APOL4: variants seen among roughly 807,000 people sequenced by gnomAD.
The protein encoded by APOL4 is apolipoprotein L, 4.
Under a neutral mutation model 12.1 loss-of-function variants are expected in APOL4, and 14 were observed. That is an observed-to-expected ratio of 1.16 (90% confidence interval 0.76 to 1.81). The LOEUF (loss-of-function observed/expected upper bound fraction) is 1.81, where lower values mean the gene tolerates loss of function less well. APOL4 is among the 40% of genes most tolerant of loss of function. The pLI, the probability that APOL4 is intolerant of heterozygous loss-of-function variation, is 0.00. For synonymous variants in APOL4, 171 were observed against 160.6 expected (o/e 1.06, Z -0.49); for missense variants, 432 against 423.1 (o/e 1.02, Z -0.18).
At chr22:36,200,858 ATATCTTGT>A (rs2014550726) in intron 1 of APOL4, among the ~76,000 whole-genome samples, 1 of 152,226 alleles carries the variant, frequency 6.6e-6, no homozygotes, top group African/African-American at 2.4e-5. Flanking sequence ...TGAGAACTAA[ATATCTTGT>A]TATCAATACC....
At chr22:36,196,407 G>T (rs1430471651) in intron 2 of APOL4, among the ~76,000 whole-genome samples, 1 of 152,212 alleles carries the variant, frequency 6.6e-6, no homozygotes, top group Non-Finnish European at 1.5e-5. Flanking sequence ...GACAGAGGGT[G>T]CATATGGTTT....
intron 2 of APOL4, among the ~76,000 whole-genome samples, chr22:36,195,743 A>ATCTC (rs143180155): frequency 5.4e-4 from 50 of 93,444 alleles, no homozygotes; most frequent in South Asian, 1.7e-3. Context: ...GAGACAGATG[A>ATCTC]TCTCTCTCTC....
At chr22:36,197,444 TG>T in intron 2 of APOL4, 1 of 690,504 alleles carries the variant, frequency 1.4e-6, no homozygotes, top group Non-Finnish European at 2.1e-6. Context: ...CAGGGTTGGA[TG>T]GAGGGAACCT....
chr22:36,202,456 G>T (rs576998564), upstream of APOL4, among the ~76,000 whole-genome samples: 4 of 152,298 alleles, frequency 2.6e-5, no homozygotes, highest in African/African-American at 4.8e-5. Context: ...GGCCGGGAGC[G>T]GTGGCTCACG....
At chr22:36,195,475 T>G (rs2014378195) in intron 2 of APOL4, 38 bp from the exon 3 acceptor site, 2 of 1,604,378 alleles carry the variant, frequency 1.2e-6, no homozygotes, top group Admixed American at 1.7e-5. Context: ...GGAAGAAAGT[T>G]TGCTACCACA....
chr22:36,193,043 C>T (rs1021398982), intron 3 of APOL4, among the ~76,000 whole-genome samples: 1 of 152,212 alleles, frequency 6.6e-6, no homozygotes, highest in African/African-American at 2.4e-5. Flanking sequence ...CAGCAAGAAT[C>T]CCCCAAAGTC....
At chr22:36,196,170 T>C (rs2014408807) in intron 2 of APOL4, among the ~76,000 whole-genome samples, 1 of 152,240 alleles carries the variant, frequency 6.6e-6, no homozygotes, top group Non-Finnish European at 1.5e-5. Context: ...TTTACACCAG[T>C]GTCTTCAAAA....
rs749087323 is a variant in APOL4, at chr22:36,191,093, C to G, written c.1029G>C (p.Gln343His). Residue 343 changes from glutamine (Q) to histidine (H), a missense_variant, in exon 4 of 4, where the codon CAG (glutamine) becomes CAC (histidine). Transcript: ENST00000683024. ...ATTGGGCCTAGCCTGCTTTTAGACT[C>G]TGATGGATATGGGTGAGCTCATTGA... ...ENLNELTHIH[Q>H]SLKAG 6 of 1,604,130 alleles carry G rather than the reference C, an allele frequency of 3.7e-6. No individual in the cohort carries two copies. The highest frequency in any genetic ancestry group is 1.1e-5 in the South Asian group (1 of 89,490).
Position 36,189,356 on chromosome 22 carries a change from A to G in APOL4, c.*1719T>C, listed in dbSNP as rs1167062922. ...CAGCTGGGCACCATGGAAATGGCTC[A>G]TTACCCGGCCTTCAGGGTTCAAGCA... On this transcript the variant is annotated 3_prime_UTR_variant, in exon 4 of 4. Coordinates refer to ENST00000683024, the MANE Select transcript of APOL4 (RefSeq NM_001386885.1). 6.6e-6 allele frequency: 1 copy of G among 152,202 alleles called. No homozygotes were observed. The highest frequency in any genetic ancestry group is 2.4e-5 in the African/African-American group (1 of 41,418). 9.4% of individuals were successfully genotyped at this position (152,202 alleles called of 1,614,324 possible). A position where few individuals can be genotyped will look rare whatever the true frequency, so the allele number is the denominator to read the frequency against.
At position 36,197,820 on chromosome 22, in the gene APOL4, G is replaced by A. The variant is rs1045702251; in HGVS notation, c.82+1510C>T. ...CTGTAGGGACAGGGGGAGGGGATGG[G>A]CCCAGAGGACCCTGACAAACAGGAA... On this transcript the variant is annotated intron_variant, in intron 2 of 3. Transcript: ENST00000683024. 8 of 1,548,358 alleles carry A rather than the reference G, an allele frequency of 5.2e-6. No homozygotes were observed. The East Asian group carries it at 1.7e-4, about 33-fold the overall frequency.
At chr22:36,203,857 G>A (rs887612866), upstream of APOL4, among the ~76,000 whole-genome samples, 1 of 152,198 alleles carries the variant, frequency 6.6e-6, no homozygotes, top group African/African-American at 2.4e-5. Context: ...ATGCAATTTT[G>A]TATTTACAAT....
At chr22:36,195,512 C>A in intron 2 of APOL4, 75 bp from the exon 3 acceptor site, 1 of 1,527,470 alleles carries the variant, frequency 6.5e-7, no homozygotes. Context: ...TAAGGTGGTT[C>A]GGTGTTAATC....
chr22:36,202,419 G>A (rs747937089), upstream of APOL4, among the ~76,000 whole-genome samples: 19 of 152,146 alleles, frequency 1.2e-4, no homozygotes, highest in Non-Finnish European at 2.4e-4. Context: ...ATCTTGATGG[G>A]CATCTCTTTT....
chr22:36,202,094 C>T (rs760976414), upstream of APOL4: 364 of 1,612,142 alleles, frequency 2.3e-4, 2 homozygotes, highest in Middle Eastern at 1.7e-3. Context: ...GTGTGCTCCT[C>T]CTGAGAAATC....
upstream of APOL4, among the ~76,000 whole-genome samples, chr22:36,204,158 ATC>A (rs1375136466): frequency 6.6e-6 from 1 of 152,136 alleles, no homozygotes; most frequent in Non-Finnish European, 1.5e-5. Flanking sequence ...GGTTCCTTGT[ATC>A]TCAAAAGAAA....
At chr22:36,200,707 T>C (rs182295543) in intron 1 of APOL4, among the ~76,000 whole-genome samples, 2 of 152,382 alleles carry the variant, frequency 1.3e-5, no homozygotes, top group Admixed American at 1.3e-4. Context: ...CAAAATGTTT[T>C]ATACCTAGAG....
chr22:36,197,781 G>A (rs904041393), intron 2 of APOL4: 1 of 1,550,472 alleles, frequency 6.4e-7, no homozygotes, highest in South Asian at 1.2e-5. Flanking sequence ...CACAGAAGGA[G>A]CTGCTGTAAC....
chr22:36,191,252 G>A lies in APOL4; in HGVS notation c.870C>T (p.Gly290=). 2 of 1,614,038 alleles carry A rather than the reference G, an allele frequency of 1.2e-6. No individual in the cohort carries two copies. The highest frequency in any genetic ancestry group is 1.7e-6 in the Non-Finnish European group (2 of 1,179,898). ...RIVRKVARNL[G]KATSGVLVVL... ...CAACAAGGACACCTGAAGTGGCCTT[G>A]CCCAGGTTCCGGGCTACTTTTCTCA... The change falls in exon 4 of 4, where the codon GGC becomes GGT. Residue 290 remains glycine (G), a synonymous_variant. Coordinates refer to ENST00000683024, the MANE Select transcript of APOL4 (RefSeq NM_001386885.1).
At position 36,191,558 on chromosome 22, in the gene APOL4, G is replaced by A. The variant is rs757616875; in HGVS notation, c.564C>T (p.Ile188=). Residue 188 remains isoleucine, a synonymous_variant, in exon 4 of 4, where the codon ATC becomes ATT. Coordinates refer to ENST00000683024, the MANE Select transcript of APOL4 (RefSeq NM_001386885.1). Reference sequence around the variant, plus strand: ...CTGACCTTGTGTATGTGTTCTCCACGATGCTGGAGGCGATCCCAGCCGTGG... The same window carrying A: ...CTGACCTTGTGTATGTGTTCTCCACAATGCTGGAGGCGATCCCAGCCGTGG... ...ASATAGIASS[I]VENTYTRSAE... is the part of the protein sequence containing the mutation. 6.8e-6 allele frequency: 11 copies of A among 1,613,784 alleles called. No individual in the cohort carries two copies. Among genetic ancestry groups the A allele is most frequent in the African/African-American group, 2.7e-5 (2 of 74,924 alleles).
Sources: allele counts gnomAD v4.1 joint callset (sites outside exome capture counted in the v4.1 genomes callset), GRCh38; gene constraint gnomAD v4.1.1; transcripts MANE v1.5; gene names NCBI Gene and HGNC (gene_info 2026-07-23, HGNC 2026-07-21).